GRM8: variants seen among roughly 807,000 people sequenced by gnomAD.
GRM8 encodes metabotropic glutamate receptor 8.
In GRM8, 47 loss-of-function variants were observed where a neutral mutation model predicts 87.2. The ratio of observed to expected loss-of-function variants is 0.54; its 90% confidence interval spans 0.43 to 0.69. The LOEUF is 0.69. GRM8 is among the 30% of genes least tolerant of loss of function. GRM8 has a pLI of 0.00. For synonymous variants in GRM8, 396 were observed against 404.5 expected (o/e 0.98, Z 0.25); for missense variants, 1,019 against 1,139.2 (o/e 0.89, Z 1.52).
chr7:127,217,739 G>A (rs1251371714), intron 2 of GRM8, among the ~76,000 whole-genome samples: 1 of 152,098 alleles, frequency 6.6e-6, no homozygotes, highest in African/African-American at 2.4e-5. Flanking sequence ...GGCCAGTACT[G>A]GAACTGTAAA....
intron 2 of GRM8, among the ~76,000 whole-genome samples, chr7:127,135,617 CAAAAAAAAAAAAA>C (rs1168682673): frequency 1.9e-4 from 7 of 36,840 alleles, no homozygotes; most frequent in East Asian, 1.5e-3. Flanking sequence ...GACTCCGTCT[CAAAAAAAAAAAAA>C]AAAAAAAAAA....
At chr7:127,086,351 C>T (rs1030854358) in intron 3 of GRM8, among the ~76,000 whole-genome samples, 7 of 152,302 alleles carry the variant, frequency 4.6e-5, no homozygotes, top group Admixed American at 1.3e-4. Flanking sequence ...CTGCCTGCCT[C>T]GGCCTCCAAA....
intron 3 of GRM8, among the ~76,000 whole-genome samples, chr7:126,910,557 G>A (rs1233071980): frequency 7.2e-5 from 11 of 152,124 alleles, no homozygotes; most frequent in African/African-American, 2.4e-4. Context: ...GTCATTAAAA[G>A]AAGTAAAAAA....
chr7:126,773,190 A>T (rs59552114), intron 6 of GRM8, among the ~76,000 whole-genome samples: 4,504 of 152,200 alleles, frequency 0.03, 252 homozygotes, highest in African/African-American at 0.1. Context: ...AGACACATAC[A>T]AACACACACA....
At chr7:126,938,610 G>T (rs1397348701) in intron 3 of GRM8, among the ~76,000 whole-genome samples, 2 of 152,136 alleles carry the variant, frequency 1.3e-5, no homozygotes, top group Non-Finnish European at 2.9e-5. Flanking sequence ...CCAAAGCATA[G>T]CTAAGAAAAT....
intron 6 of GRM8, among the ~76,000 whole-genome samples, chr7:126,830,236 C>T (rs986983426): frequency 2.7e-4 from 41 of 152,210 alleles, no homozygotes; most frequent in African/African-American, 8.4e-4. Flanking sequence ...TTTCCTGAAT[C>T]TGAATGTTGG....
At chr7:126,892,760 A>C (rs1801178349) in intron 6 of GRM8, among the ~76,000 whole-genome samples, 1 of 152,086 alleles carries the variant, frequency 6.6e-6, no homozygotes, top group Non-Finnish European at 1.5e-5. Flanking sequence ...CCAACAGTGT[A>C]AAAGTGTTCC....
chr7:126,446,090 C>T (rs199813417), intron 10 of GRM8, 36 bp downstream of exon 10: 20 of 1,611,370 alleles, frequency 1.2e-5, no homozygotes, highest in Non-Finnish European at 1.5e-5. Flanking sequence ...GAAGTGCTCC[C>T]GCTCTTGACC....
intron 7 of GRM8, among the ~76,000 whole-genome samples, chr7:126,658,135 G>A (rs1804741570): frequency 6.6e-6 from 1 of 152,218 alleles, no homozygotes; most frequent in South Asian, 2.1e-4. Context: ...GAAGTAGGCA[G>A]AAAGAACAGG....
intron 3 of GRM8, among the ~76,000 whole-genome samples, chr7:127,091,452 G>T (rs1824069220): frequency 2.1e-5 from 1 of 48,550 alleles, no homozygotes; most frequent in Non-Finnish European, 3.7e-5. Flanking sequence ...CCATCCCACT[G>T]GTCATCCCCC....
At chr7:127,043,057 A>C (rs1050822531) in intron 3 of GRM8, among the ~76,000 whole-genome samples, 4 of 152,244 alleles carry the variant, frequency 2.6e-5, no homozygotes, top group Non-Finnish European at 5.9e-5. Context: ...AATCAAAACC[A>C]CAATGAGATA....
chr7:126,759,691 A>G (rs1817390513), intron 7 of GRM8, among the ~76,000 whole-genome samples: 1 of 152,142 alleles, frequency 6.6e-6, no homozygotes, highest in Non-Finnish European at 1.5e-5. Flanking sequence ...ATCTTTCTAA[A>G]GATTCTCAAG....
At chr7:126,653,881 A>G (rs996425988) in intron 7 of GRM8, among the ~76,000 whole-genome samples, 6 of 152,228 alleles carry the variant, frequency 3.9e-5, no homozygotes, top group African/African-American at 1.4e-4. Flanking sequence ...AGAGGATACA[A>G]TTGAACACAA....
chr7:126,892,550 G>T (rs1433154815), intron 6 of GRM8, among the ~76,000 whole-genome samples: 1 of 151,988 alleles, frequency 6.6e-6, no homozygotes, highest in African/African-American at 2.4e-5. Flanking sequence ...TGGACATTTG[G>T]GTTGGTTCCA....
chr7:126,908,596 T>C (rs1359447702), intron 3 of GRM8, among the ~76,000 whole-genome samples: 1 of 152,232 alleles, frequency 6.6e-6, no homozygotes, highest in African/African-American at 2.4e-5. Context: ...TTATTATTAC[T>C]GTTTCAGAAG....
intron 8 of GRM8, among the ~76,000 whole-genome samples, chr7:126,560,373 ATTC>A (rs1193580952): frequency 6.6e-6 from 1 of 152,174 alleles, no homozygotes; most frequent in Non-Finnish European, 1.5e-5. Flanking sequence ...AAATTACTGT[ATTC>A]TTGGATCAGA....
chr7:126,874,226 T>C (rs911691938), intron 6 of GRM8, among the ~76,000 whole-genome samples: 1 of 152,060 alleles, frequency 6.6e-6, no homozygotes, highest in Non-Finnish European at 1.5e-5. Context: ...AAATGCATTC[T>C]CAATGATTAT....
At chr7:126,503,956 C>T (rs895034594) in intron 9 of GRM8, among the ~76,000 whole-genome samples, 6 of 152,036 alleles carry the variant, frequency 3.9e-5, no homozygotes, top group Non-Finnish European at 7.4e-5. Context: ...TCTCCTAATT[C>T]ACCGCAGTCT....
chr7:127,088,405 A>G (rs1242168535), intron 3 of GRM8, among the ~76,000 whole-genome samples: 2 of 152,222 alleles, frequency 1.3e-5, no homozygotes, highest in African/African-American at 4.8e-5. Flanking sequence ...GCTGGGGAGA[A>G]TGCTCTAACA....
Sources: allele counts gnomAD v4.1 joint callset (sites outside exome capture counted in the v4.1 genomes callset), GRCh38; gene constraint gnomAD v4.1.1; transcripts MANE v1.5; gene names NCBI Gene and HGNC (gene_info 2026-07-23, HGNC 2026-07-21).